MRI1: variants seen among roughly 807,000 people sequenced by gnomAD.
MRI1 encodes the protein methylthioribose-1-phosphate isomerase 1.
In MRI1, 32 loss-of-function variants were observed where a neutral mutation model predicts 27.3. That is an observed-to-expected ratio of 1.17 (90% CI 0.88 to 1.57). The LOEUF is 1.57. MRI1 is among the 40% of genes most tolerant of loss of function. MRI1 has a pLI of 0.00. For missense variants in MRI1, 508 were observed against 516.1 expected, an observed-to-expected ratio of 0.98 and a Z score of 0.15; for synonymous variants, 216 against 227.4, an observed-to-expected ratio of 0.95 and a Z score of 0.45.
intron 3 of MRI1, among the ~76,000 whole-genome samples, chr19:13,767,289 C>T (rs528090051): frequency 3.2e-4 from 49 of 151,806 alleles, no homozygotes; most frequent in Non-Finnish European, 4.9e-4. Flanking sequence ...TTAGGCGGTC[C>T]GCCAGCCTCG....
chr19:13,772,301 C>G lies in MRI1; in HGVS notation c.*20C>G, dbSNP rs768354051. 6.2e-7 allele frequency: 1 copy of G among 1,602,234 alleles called. No individual in the cohort carries two copies. On this transcript the variant is annotated 3_prime_UTR_variant, in exon 6 of 6. Transcript: ENST00000040663. The stretch of plus-strand genomic sequence containing the variant: ...ATGTAACCAACTCAGCTCTCCCTAG[C>G]CTGCCTCTCTAGGTTTTTCAATACA...
rs550658617 is a variant in MRI1 at position 13,768,545 on chromosome 19, G to C, written c.548-16G>C. On this transcript the variant is annotated splice_polypyrimidine_tract_variant and intron_variant, in intron 3 of 5. Transcript: ENST00000040663. ...CCCTCCCCGGGGCCTTCTCCTGGTG[G>C]GTGGGGCCCCCGCAGGTGTGATTCG... is the stretch of plus-strand genomic sequence containing the variant. The C allele has an allele frequency of 2.5e-6, 4 of 1,598,690 alleles. No homozygotes were observed. In the Admixed American group the frequency reaches 5.1e-5, roughly 21 times the overall value.
In MRI1 at chr19:13,766,137, G is replaced by A. The variant is rs762140559; in HGVS notation, c.547+8G>A. 9 of 1,530,716 alleles carry A rather than the reference G, an allele frequency of 5.9e-6. No homozygotes were observed. Among genetic ancestry groups the A allele is most frequent in the Middle Eastern group, 1.8e-4 (1 of 5,650 alleles). The allele number at this position is 1,530,716 out of a possible 1,614,324, so 94.8% of individuals were successfully genotyped here. ...GCTATGGTACAGCCCTAGGTGAGAGGGCCTCCTCAGGGGGTAGGGGAGGGC... is the reference window on the plus strand; with the variant it reads ...GCTATGGTACAGCCCTAGGTGAGAGAGCCTCCTCAGGGGGTAGGGGAGGGC... On this transcript the variant is annotated splice_region_variant and intron_variant, in intron 3 of 5. Coordinates refer to ENST00000040663, the MANE Select transcript of MRI1 (RefSeq NM_001031727.4).
At chr19:13,771,448 T>C (rs1251469468) in intron 5 of MRI1, among the ~76,000 whole-genome samples, 1 of 152,056 alleles carries the variant, frequency 6.6e-6, no homozygotes, top group Non-Finnish European at 1.5e-5. Flanking sequence ...GGAGAATCGT[T>C]TGAATCCAAG....
chr19:13,765,643 T>C, intron 2 of MRI1, among the ~76,000 whole-genome samples: 1 of 152,246 alleles, frequency 6.6e-6, no homozygotes, highest in East Asian at 1.9e-4. Flanking sequence ...CTCTGTTGCC[T>C]GATTCTGCCG....
At chr19:13,767,246 G>A (rs185583420) in intron 3 of MRI1, among the ~76,000 whole-genome samples, 229 of 151,114 alleles carry the variant, frequency 1.5e-3, no homozygotes, top group African/African-American at 5.2e-3. Flanking sequence ...GGGGTTTCAC[G>A]ACATTGGCCA....
chr19:13,764,842 C>T (rs1440213328), intron 1 of MRI1, 29 bp from the exon 2 acceptor site: 2 of 1,298,660 alleles, frequency 1.5e-6, no homozygotes, highest in African/African-American at 3.1e-5. Context: ...GCGCCTGCAG[C>T]TTCCGACGCC....
chr19:13,773,072 G>T lies in MRI1; in HGVS notation c.*791G>T, dbSNP rs1316889923. The T allele has an allele frequency of 6.6e-6, 1 of 151,324 alleles. No homozygotes were observed. Among genetic ancestry groups the T allele is most frequent in the Non-Finnish European group, 1.5e-5 (1 of 67,850 alleles). The allele number at this position is 151,324 out of a possible 1,614,324, so 9.4% of individuals were successfully genotyped here. A position where few individuals can be genotyped will look rare whatever the true frequency, so the allele number is the denominator to read the frequency against. On this transcript the variant is annotated 3_prime_UTR_variant, in exon 6 of 6. Coordinates refer to ENST00000040663, the MANE Select transcript of MRI1 (RefSeq NM_001031727.4). ...TACCCAGGCTGGAATGTAGAGGCGA[G>T]ATCTCAGCTCACTGAAACCTGTGCC...
chr19:13,766,409 A>G (rs2145192539), intron 3 of MRI1, among the ~76,000 whole-genome samples: 1 of 152,200 alleles, frequency 6.6e-6, no homozygotes, highest in East Asian at 1.9e-4. Flanking sequence ...TCATGAGGAA[A>G]AGAGCCTCCT....
intron 5 of MRI1, 147 bp from the exon 6 acceptor site, chr19:13,771,974 C>A: frequency 1.5e-6 from 1 of 667,874 alleles, no homozygotes; most frequent in Non-Finnish European, 2.6e-6. Flanking sequence ...AATGTCCATG[C>A]CTGCATGTAC....
chr19:13,772,671 AC>A lies in MRI1; in HGVS notation c.*391del, dbSNP rs368749940. On this transcript the variant is annotated 3_prime_UTR_variant, in exon 6 of 6. Coordinates refer to ENST00000040663, the MANE Select transcript of MRI1 (RefSeq NM_001031727.4). Reference sequence around the variant, plus strand: ...GTGAAACCCCATCTCTACTAAAAATACAAAAAATTAGCCGGGTGTGGTGGTG... The same window carrying A: ...GTGAAACCCCATCTCTACTAAAAATAAAAAAATTAGCCGGGTGTGGTGGTG... 1,659 of 153,928 alleles carry A rather than the reference AC, an allele frequency of 0.011. 17 individuals are homozygous for A. The highest frequency in any genetic ancestry group is 0.036 in the South Asian group (182 of 5,072). The allele number at this position is 153,928 out of a possible 1,614,324, so 9.5% of individuals were successfully genotyped here.
Position 13,773,353 on chromosome 19 carries a change from G to T in MRI1, c.*1072G>T, listed in dbSNP as rs1160245816. ...AATCAAAATTAATGCAAAAATCCAT[G>T]ATGAGGCCAGGCTTGGTGGCTCATG... On this transcript the variant is annotated 3_prime_UTR_variant, in exon 6 of 6. Coordinates refer to ENST00000040663, the MANE Select transcript of MRI1 (RefSeq NM_001031727.4). 6 of 151,410 alleles carry T rather than the reference G, an allele frequency of 4.0e-5. No homozygotes were observed. Among genetic ancestry groups the T allele is most frequent in the African/African-American group, 1.2e-4 (5 of 41,382 alleles). 9.4% of individuals were successfully genotyped at this position (151,410 alleles called of 1,614,324 possible).
At chr19:13,769,540 A>G (rs1451391571) in intron 5 of MRI1, among the ~76,000 whole-genome samples, 1 of 152,114 alleles carries the variant, frequency 6.6e-6, no homozygotes, top group Non-Finnish European at 1.5e-5. Context: ...CGGTTATATG[A>G]ATGATCTTGA....
At chr19:13,766,466 T>A (rs1289731516) in intron 3 of MRI1, among the ~76,000 whole-genome samples, 1 of 152,142 alleles carries the variant, frequency 6.6e-6, no homozygotes, top group Non-Finnish European at 1.5e-5. Flanking sequence ...CTAGGGCACC[T>A]GCCCATCCCA....
intron 2 of MRI1, 51 bp from the exon 3 acceptor site, chr19:13,765,903 C>A: frequency 6.5e-7 from 1 of 1,541,348 alleles, no homozygotes. Context: ...GAGGCGTTGG[C>A]CTGGGCCCCG....
At position 13,768,985 on chromosome 19, in the gene MRI1, A is replaced by G. The variant is rs1044738547; in HGVS notation, c.886A>G (p.Ile296Val). The G allele has an allele frequency of 6.2e-7, 1 of 1,613,930 alleles. No individual in the cohort carries two copies. Among genetic ancestry groups the G allele is most frequent in the Non-Finnish European group, 8.5e-7 (1 of 1,179,982 alleles). Reference sequence around the variant, plus strand: ...CCGTCTGGAGACCGGCAAGGAGATCATTATTGAAGAGCGACCGGGCCAGGA... The same window carrying G: ...CCGTCTGGAGACCGGCAAGGAGATCGTTATTGAAGAGCGACCGGGCCAGGA... ...DLRLETGKEI[I>V]IEERPGQELT... is the part of the protein sequence containing the mutation. The change falls in exon 5 of 6, where the codon ATT becomes GTT. Residue 296 changes from isoleucine to valine, a missense_variant. Coordinates refer to ENST00000040663, the MANE Select transcript of MRI1 (RefSeq NM_001031727.4).
intron 5 of MRI1, among the ~76,000 whole-genome samples, chr19:13,771,807 A>G (rs555510891): frequency 2.0e-5 from 3 of 152,172 alleles, no homozygotes; most frequent in Non-Finnish European, 4.4e-5. Context: ...CAGTGAACCA[A>G]GATCGTGCCA....
rs1464085471 is a variant in MRI1, at chr19:13,764,651, G to A, written c.63G>A (p.Leu21=). The change falls in exon 1 of 6, where the codon CTG becomes CTA. Residue 21 remains leucine, a synonymous_variant. Transcript: ENST00000040663. ...GSLQILDQLL[L]PKQSRYEAVG... ...TGCAGATCCTAGACCAGCTGCTGCT[G>A]CCCAAGCAGAGCCGCTACGAGGCGG... 3.1e-6 allele frequency: 5 copies of A among 1,605,904 alleles called. No individual in the cohort carries two copies. The highest frequency in any genetic ancestry group is 3.4e-6 in the Non-Finnish European group (4 of 1,178,294).
chr19:13,771,203 C>CAA (rs113973693), intron 5 of MRI1, among the ~76,000 whole-genome samples: 5 of 133,974 alleles, frequency 3.7e-5, no homozygotes, highest in Admixed American at 7.6e-5. Flanking sequence ...ACTAAAAATA[C>CAA]AAAAAAAAAA....
Sources: allele counts gnomAD v4.1 joint callset (sites outside exome capture counted in the v4.1 genomes callset), GRCh38; gene constraint gnomAD v4.1.1; transcripts MANE v1.5; gene names NCBI Gene and HGNC (gene_info 2026-07-23, HGNC 2026-07-21).